NOVA1: variants seen among roughly 807,000 people sequenced by gnomAD.
NOVA1 encodes the protein RNA-binding protein Nova-1.
NOVA1 carries 7 observed loss-of-function variants against 38.0 expected under a neutral mutation model. That is an observed-to-expected ratio of 0.18 (90% confidence interval 0.10 to 0.35). The LOEUF is 0.35. Ranked by LOEUF, NOVA1 falls within the 10% of genes least tolerant of loss-of-function variation. The pLI is 1.00. For synonymous variants in NOVA1, 270 were observed against 232.5 expected (o/e 1.16, Z -1.47); for missense variants, 460 against 616.0 (o/e 0.75, Z 2.68).
At chr14:26,460,099 A>G (rs1883526399) in intron 4 of NOVA1, among the ~76,000 whole-genome samples, 1 of 151,868 alleles carries the variant, frequency 6.6e-6, no homozygotes, top group South Asian at 2.1e-4. Flanking sequence ...GTTCCCTCTC[A>G]TTAGGGAGAA....
chr14:26,505,876 T>C (rs1300947960), intron 2 of NOVA1, among the ~76,000 whole-genome samples: 2 of 152,192 alleles, frequency 1.3e-5, no homozygotes, highest in African/African-American at 4.8e-5. Context: ...TTTTGTAATT[T>C]ACAACCCATT....
intron 4 of NOVA1, among the ~76,000 whole-genome samples, chr14:26,457,482 C>T (rs1883278264): frequency 6.6e-6 from 1 of 152,048 alleles, no homozygotes; most frequent in African/African-American, 2.4e-5. Flanking sequence ...TGTCACCTAG[C>T]GACATTGTAA....
intron 2 of NOVA1, among the ~76,000 whole-genome samples, chr14:26,586,561 T>A (rs981240698): frequency 2.0e-5 from 3 of 151,018 alleles, no homozygotes; most frequent in African/African-American, 7.3e-5. Flanking sequence ...AAAACAAAAT[T>A]TAACTTAGCC....
At chr14:26,535,799 T>C (rs1427765515) in intron 2 of NOVA1, among the ~76,000 whole-genome samples, 1 of 150,912 alleles carries the variant, frequency 6.6e-6, no homozygotes, top group East Asian at 2.0e-4. Context: ...CTACTAAAAA[T>C]ACAAAAAACA....
chr14:26,570,066 G>A (rs561292727), intron 2 of NOVA1, among the ~76,000 whole-genome samples: 1 of 152,234 alleles, frequency 6.6e-6, no homozygotes, highest in Non-Finnish European at 1.5e-5. Context: ...ATAAACTAAG[G>A]CCGGATGCAG....
At chr14:26,505,137 T>C (rs543740811) in intron 2 of NOVA1, among the ~76,000 whole-genome samples, 1 of 152,246 alleles carries the variant, frequency 6.6e-6, no homozygotes, top group Non-Finnish European at 1.5e-5. Context: ...AACCAAAACA[T>C]TATTACATAT....
At chr14:26,494,486 T>G (rs1477669389) in intron 2 of NOVA1, among the ~76,000 whole-genome samples, 1 of 152,208 alleles carries the variant, frequency 6.6e-6, no homozygotes, top group Non-Finnish European at 1.5e-5. Flanking sequence ...AAATCAGTTT[T>G]CAGTCAATAA....
In NOVA1 at chr14:26,492,769, C is replaced by T. The variant is rs1309920904; in HGVS notation, c.281-12626G>A. ...ATCACTTGAAGTCAGGAGTTCAAGA[C>T]CAGCCTGGCCAACATGGTGAAACCC... On this transcript the variant is annotated intron_variant, in intron 2 of 4. Coordinates refer to ENST00000539517, the MANE Select transcript of NOVA1 (RefSeq NM_002515.3). Among the ~76,000 whole-genome samples the T allele has an allele frequency of 3.3e-5, 5 of 150,140 alleles. No homozygotes were observed. In the Admixed American group the frequency reaches 3.4e-4, roughly 10 times the overall value.
At chr14:26,481,988 TAAAAAAAAAAA>T (rs372806170) in intron 2 of NOVA1, among the ~76,000 whole-genome samples, 23 of 105,962 alleles carry the variant, frequency 2.2e-4, no homozygotes, top group Admixed American at 5.3e-4. Flanking sequence ...TAGATAGAGA[TAAAAAAAAAAA>T]AAAAAAAAAA....
At chr14:26,455,605 A>G (rs1389458632) in intron 4 of NOVA1, among the ~76,000 whole-genome samples, 2 of 152,038 alleles carry the variant, frequency 1.3e-5, no homozygotes, top group African/African-American at 4.8e-5. Context: ...TTTCCATTTA[A>G]CACATTATTT....
rs1594605461 is a variant in NOVA1 at position 26,597,341 on chromosome 14, G to A, written c.96C>T (p.Ala32=). ...TCTTGGTGCTGCCGGCTTCAGGGGG[G>A]GCTTCCAGCGGCCTTTTCCGCGAGT... ...PPDSRKRPLE[A]PPEAGSTKRT... The change falls in exon 1 of 5, where the codon GCC becomes GCT. Residue 32 remains alanine, a synonymous_variant. Coordinates refer to ENST00000539517, the MANE Select transcript of NOVA1 (RefSeq NM_002515.3). 3 of 1,263,460 alleles carry A rather than the reference G, an allele frequency of 2.4e-6. No individual in the cohort carries two copies. The highest frequency in any genetic ancestry group is 3.0e-5 in the East Asian group (1 of 33,836). 78.3% of individuals were successfully genotyped at this position (1,263,460 alleles called of 1,614,324 possible).
intron 2 of NOVA1, among the ~76,000 whole-genome samples, chr14:26,528,426 C>A (rs1340908996): frequency 6.6e-6 from 1 of 151,986 alleles, no homozygotes. Context: ...CCATGTAGGG[C>A]CAACTCCAGG....
At chr14:26,451,167 T>C (rs1320198640) in intron 4 of NOVA1, among the ~76,000 whole-genome samples, 1 of 152,160 alleles carries the variant, frequency 6.6e-6, no homozygotes, top group East Asian at 1.9e-4. Flanking sequence ...GATATTAATT[T>C]CTACTATATG....
At chr14:26,580,500 T>C (rs1005176084) in intron 2 of NOVA1, among the ~76,000 whole-genome samples, 11 of 152,050 alleles carry the variant, frequency 7.2e-5, no homozygotes, top group Admixed American at 7.2e-4. Flanking sequence ...GCTCTGCATA[T>C]CTTCAGGGGT....
chr14:26,516,989 T>C lies in NOVA1; in HGVS notation c.281-36846A>G, dbSNP rs918156289. Reference sequence around the variant, plus strand: ...GGCACGATCTTGGCTCACTGCAACCTCCACCTTCCAGGTTCAAGCGATTCT... The same window carrying C: ...GGCACGATCTTGGCTCACTGCAACCCCCACCTTCCAGGTTCAAGCGATTCT... On this transcript the variant is annotated intron_variant, in intron 2 of 4. Transcript: ENST00000539517. 3.4e-5 allele frequency among the ~76,000 whole-genome samples: 5 copies of C among 146,276 alleles called. No individual in the cohort carries two copies. The South Asian group carries it at 1.1e-3, about 32-fold the overall frequency.
intron 2 of NOVA1, among the ~76,000 whole-genome samples, chr14:26,544,907 T>C (rs1012825712): frequency 5.3e-5 from 8 of 152,032 alleles, no homozygotes; most frequent in African/African-American, 1.9e-4. Flanking sequence ...ATAAACCCGT[T>C]AGAGTGATAA....
At chr14:26,484,756 C>T (rs896170430) in intron 2 of NOVA1, among the ~76,000 whole-genome samples, 28 of 152,130 alleles carry the variant, frequency 1.8e-4, no homozygotes, top group Non-Finnish European at 4.0e-4. Context: ...TTGTTTGCCT[C>T]GTCAGCAGCA....
intron 2 of NOVA1, among the ~76,000 whole-genome samples, chr14:26,554,879 G>A (rs181732292): frequency 3.9e-4 from 59 of 152,140 alleles, no homozygotes; most frequent in African/African-American, 1.1e-3. Flanking sequence ...ATTTCTTAGC[G>A]TTTTCCTTGC....
At chr14:26,482,327 T>A (rs1183720335) in intron 2 of NOVA1, among the ~76,000 whole-genome samples, 1 of 152,166 alleles carries the variant, frequency 6.6e-6, no homozygotes, top group East Asian at 1.9e-4. Context: ...AGATTCTATA[T>A]CTACCACTCA....
Sources: allele counts gnomAD v4.1 joint callset (sites outside exome capture counted in the v4.1 genomes callset), GRCh38; gene constraint gnomAD v4.1.1; transcripts MANE v1.5; gene names NCBI Gene and HGNC (gene_info 2026-07-23, HGNC 2026-07-21).